FAM83D: variants seen among roughly 807,000 people sequenced by gnomAD.
FAM83D encodes the protein scaffolding CK1 anchoring protein D.
Under a neutral mutation model 25.4 loss-of-function variants are expected in FAM83D, and 26 were observed. The observed-to-expected ratio is 1.02, with a 90% CI of 0.75 to 1.42. The LOEUF is 1.42. Among genes scored for constraint, FAM83D ranks in the 40% most tolerant of loss-of-function variants. The pLI, the probability that FAM83D is intolerant of heterozygous loss-of-function variation, is 0.00. For synonymous variants in FAM83D, 310 were observed against 318.5 expected, an observed-to-expected ratio of 0.97 and a Z score of 0.28; for missense variants, 740 against 758.1, an observed-to-expected ratio of 0.98 and a Z score of 0.28.
At chr20:38,928,110 G>C (rs1016773378) in intron 1 of FAM83D, among the ~76,000 whole-genome samples, 9 of 152,180 alleles carry the variant, frequency 5.9e-5, no homozygotes, top group African/African-American at 2.2e-4. Flanking sequence ...CAGACACCTT[G>C]GTCTGGAGCC....
rs1016567970 is a variant in FAM83D, at chr20:38,935,466, A to T, written c.484-6493A>T. Among the ~76,000 whole-genome samples the T allele has an allele frequency of 2.6e-5, 4 of 152,316 alleles. No individual in the cohort carries two copies. The East Asian group carries it at 7.7e-4, about 29-fold the overall frequency. ...GGTTGCTTGTTTGTTTGTTTGAGACAAGTTCTCATTCTGTTGCCCAGGCTA... is the reference window on the plus strand; with the variant it reads ...GGTTGCTTGTTTGTTTGTTTGAGACTAGTTCTCATTCTGTTGCCCAGGCTA... On this transcript the variant is annotated intron_variant, in intron 1 of 3. Transcript: ENST00000619850.
chr20:38,943,652 G>A (rs2085713036), intron 2 of FAM83D, among the ~76,000 whole-genome samples: 1 of 152,170 alleles, frequency 6.6e-6, no homozygotes, highest in Non-Finnish European at 1.5e-5. Flanking sequence ...AAAGAAGAAA[G>A]AAAAATTGTC....
intron 1 of FAM83D, among the ~76,000 whole-genome samples, chr20:38,934,238 G>A (rs2085669451): frequency 6.6e-6 from 1 of 152,048 alleles, no homozygotes; most frequent in African/African-American, 2.4e-5. Context: ...CTTCTTTATG[G>A]ATAGAAGGTA....
chr20:38,942,214 C>A, intron 2 of FAM83D, 88 bp downstream of exon 2: 1 of 1,434,668 alleles, frequency 7.0e-7, no homozygotes, highest in South Asian at 1.2e-5. Context: ...GGCGGTATCC[C>A]TGTTTACAAG....
intron 2 of FAM83D, among the ~76,000 whole-genome samples, chr20:38,947,149 A>G (rs1479711200): frequency 6.6e-6 from 1 of 152,222 alleles, no homozygotes. Flanking sequence ...AGATTGTTGT[A>G]GTATTTTGTA....
rs527370002 is a variant in FAM83D at position 38,949,866 on chromosome 20, C to T, written c.777-1673C>T. 9.2e-5 allele frequency among the ~76,000 whole-genome samples: 14 copies of T among 152,238 alleles called. No homozygotes were observed. The East Asian group carries it at 2.3e-3, about 25-fold the overall frequency. ...TTGAGACAAAGAGTCTTGCCCAGGCCGGAATGCAGTGGACGATCTCGGCTC... is the reference window on the plus strand; with the variant it reads ...TTGAGACAAAGAGTCTTGCCCAGGCTGGAATGCAGTGGACGATCTCGGCTC... On this transcript the variant is annotated intron_variant, in intron 3 of 3. Transcript: ENST00000619850.
chr20:38,931,711 G>A (rs1458669985), intron 1 of FAM83D, among the ~76,000 whole-genome samples: 2 of 152,252 alleles, frequency 1.3e-5, no homozygotes, highest in Non-Finnish European at 2.9e-5. Context: ...TTGGTAAATG[G>A]TAGGGCCTAA....
chr20:38,931,156 A>G (rs2085657437), intron 1 of FAM83D, among the ~76,000 whole-genome samples: 1 of 152,226 alleles, frequency 6.6e-6, no homozygotes, highest in Non-Finnish European at 1.5e-5. Flanking sequence ...CAACAGGCTG[A>G]AGGTTTGTAA....
intron 3 of FAM83D, among the ~76,000 whole-genome samples, chr20:38,950,194 T>G (rs2085747152): frequency 6.6e-6 from 1 of 152,214 alleles, no homozygotes; most frequent in Admixed American, 6.5e-5. Context: ...AGAATTACTA[T>G]CAATCCCTTC....
intron 2 of FAM83D, among the ~76,000 whole-genome samples, chr20:38,942,946 A>C (rs2085709156): frequency 6.6e-6 from 1 of 151,928 alleles, no homozygotes; most frequent in African/African-American, 2.4e-5. Context: ...TTTTGACAGT[A>C]GCTCCAGGAG....
intron 2 of FAM83D, among the ~76,000 whole-genome samples, chr20:38,947,223 T>C (rs531779365): frequency 2.6e-4 from 39 of 152,366 alleles, no homozygotes; most frequent in Admixed American, 5.2e-4. Context: ...ATGTGCAGTA[T>C]ATTGCCCCAG....
At chr20:38,950,833 GTCTCGCCCAGTCATGGAA>G (rs1467925618) in intron 3 of FAM83D, among the ~76,000 whole-genome samples, 2 of 150,776 alleles carry the variant, frequency 1.3e-5, no homozygotes, top group African/African-American at 4.9e-5. Flanking sequence ...TTGAGATGGA[GTCTCGCCCAGTCATGGAA>G]TCTCGCCCAG....
At chr20:38,927,498 CTTTTTTTTTTTTT>C (rs1173092369) in intron 1 of FAM83D, among the ~76,000 whole-genome samples, 2 of 101,420 alleles carry the variant, frequency 2.0e-5, no homozygotes, top group Non-Finnish European at 3.9e-5. Context: ...TCTTTCTTGT[CTTTTTTTTTTTTT>C]TTTTTTTTTG....
At chr20:38,937,189 C>G (rs2085682596) in intron 1 of FAM83D, among the ~76,000 whole-genome samples, 1 of 152,106 alleles carries the variant, frequency 6.6e-6, no homozygotes, top group Non-Finnish European at 1.5e-5. Context: ...GGGTGTTGAC[C>G]CTGGAAGGGA....
rs1435933618 is a variant in FAM83D, at chr20:38,952,263, G to T, written c.1501G>T (p.Asp501Tyr). ...TTCTCCCGCTTCCATCAGAACCACTGACTTCCACAATCCTGGCTATCCCAA... is the reference window on the plus strand; with the variant it reads ...TTCTCCCGCTTCCATCAGAACCACTTACTTCCACAATCCTGGCTATCCCAA... Reference protein sequence around the residue: ...TGSPASIRTTDFHNPGYPKYL... With the variant: ...TGSPASIRTTYFHNPGYPKYL... Residue 501 changes from aspartate (D) to tyrosine (Y), a missense_variant, in exon 4 of 4, where the codon GAC (aspartate) becomes TAC (tyrosine). Asp to Tyr is a radical substitution (Grantham distance 160, BLOSUM62 -3). Coordinates refer to ENST00000619850, the MANE Select transcript of FAM83D (RefSeq NM_030919.3). The T allele has an allele frequency of 6.2e-7, 1 of 1,614,148 alleles. No individual in the cohort carries two copies. The highest frequency in any genetic ancestry group is 8.5e-7 in the Non-Finnish European group (1 of 1,180,036).
rs757475574 is a variant in FAM83D, at chr20:38,926,605, C to G, written c.163C>G (p.Arg55Gly). Residue 55 changes from arginine to glycine, a missense_variant, in exon 1 of 4, where the codon CGC becomes GGC. Coordinates refer to ENST00000619850, the MANE Select transcript of FAM83D (RefSeq NM_030919.3). ...CTTCGCGGCCTTCCTGCGACGCGAG[C>G]GCCTGGCTCGTTTCCTGAACCCCGA... ...EAFAAFLRRE[R>G]LARFLNPDEV... The G allele has an allele frequency of 1.9e-6, 3 of 1,543,194 alleles. No individual in the cohort carries two copies. The highest frequency in any genetic ancestry group is 2.6e-6 in the Non-Finnish European group (3 of 1,150,502).
At chr20:38,937,374 C>T (rs1028387716) in intron 1 of FAM83D, among the ~76,000 whole-genome samples, 30 of 152,176 alleles carry the variant, frequency 2.0e-4, no homozygotes, top group African/African-American at 7.0e-4. Context: ...GGAGCAGTGG[C>T]CAAATACACA....
chr20:38,931,400 C>T (rs756758660), intron 1 of FAM83D, among the ~76,000 whole-genome samples: 1 of 152,156 alleles, frequency 6.6e-6, no homozygotes, highest in Non-Finnish European at 1.5e-5. Flanking sequence ...GTGTTTTCCT[C>T]TCCCTGGGAA....
chr20:38,929,305 A>G (rs2085649391), intron 1 of FAM83D, among the ~76,000 whole-genome samples: 1 of 152,196 alleles, frequency 6.6e-6, no homozygotes, highest in African/African-American at 2.4e-5. Flanking sequence ...GGAAGGCATC[A>G]TCCTTGCCAA....
Sources: allele counts gnomAD v4.1 joint callset (sites outside exome capture counted in the v4.1 genomes callset), GRCh38; gene constraint gnomAD v4.1.1; transcripts MANE v1.5; gene names NCBI Gene and HGNC (gene_info 2026-07-23, HGNC 2026-07-21).